The following ARMH1 variants were observed in gnomAD, a reference collection of about 807,000 sequenced individuals.
The protein encoded by ARMH1 is armadillo like helical domain containing 1, also known as armadillo-like helical domain containing protein 1.
A neutral mutation model predicts 50.2 loss-of-function variants in ARMH1; 34 were observed. That is an observed-to-expected ratio of 0.68 (90% CI 0.51 to 0.90). The LOEUF (loss-of-function observed/expected upper bound fraction) is 0.90, where lower values mean the gene tolerates loss of function less well. Ranked by LOEUF, ARMH1 falls within the 40% of genes least tolerant of loss-of-function variation. The pLI is 0.00. For missense variants in ARMH1, 538 were observed against 553.9 expected (o/e 0.97, Z 0.29); for synonymous variants, 221 against 224.2 (o/e 0.99, Z 0.13).
intron 2 of ARMH1, among the ~76,000 whole-genome samples, chr1:44,694,613 G>A (rs1482564294): frequency 1.3e-5 from 2 of 149,442 alleles, no homozygotes; most frequent in African/African-American, 2.5e-5. Flanking sequence ...AGGTTCAAGC[G>A]ATTCTCCTGC....
chr1:44,708,048 T>G (rs1646421672), intron 6 of ARMH1, among the ~76,000 whole-genome samples: 1 of 152,234 alleles, frequency 6.6e-6, no homozygotes, highest in African/African-American at 2.4e-5. Context: ...ATGTAGAGAA[T>G]GCGTATGCAA....
chr1:44,716,681 T>A (rs1646864131), intron 6 of ARMH1, among the ~76,000 whole-genome samples: 1 of 152,190 alleles, frequency 6.6e-6, no homozygotes, highest in African/African-American at 2.4e-5. Flanking sequence ...CTGTCTCCAC[T>A]GCTGTAATTC....
intron 6 of ARMH1, among the ~76,000 whole-genome samples, chr1:44,723,182 A>C (rs1647645538): frequency 6.6e-6 from 1 of 151,964 alleles, no homozygotes; most frequent in Admixed American, 6.6e-5. Flanking sequence ...TTACAAAAAC[A>C]TTCAATCCTT....
intron 1 of ARMH1, among the ~76,000 whole-genome samples, chr1:44,685,815 A>G (rs1439639260): frequency 6.6e-6 from 1 of 151,802 alleles, no homozygotes; most frequent in Non-Finnish European, 1.5e-5. Flanking sequence ...TTTAGTAGAG[A>G]CGGGGTTTCA....
chr1:44,709,377 G>C (rs1474853155), intron 6 of ARMH1, among the ~76,000 whole-genome samples: 1 of 152,140 alleles, frequency 6.6e-6, no homozygotes, highest in Admixed American at 6.5e-5. Flanking sequence ...GCCTGTCCTT[G>C]TTTTCCCTAT....
intron 1 of ARMH1, among the ~76,000 whole-genome samples, chr1:44,677,687 T>A (rs958957326): frequency 2.6e-5 from 4 of 151,886 alleles, no homozygotes; most frequent in Non-Finnish European, 5.9e-5. Flanking sequence ...GCCACTGAAC[T>A]CCCCCTGGAT....
At position 44,701,119 on chromosome 1, in the gene ARMH1, G is replaced by A; in HGVS notation, c.639G>A (p.Gln213=). The A allele has an allele frequency of 1.3e-6, 2 of 1,545,636 alleles. No individual in the cohort carries two copies. The highest frequency in any genetic ancestry group is 1.7e-6 in the Non-Finnish European group (2 of 1,144,100). ...QLSLQTLRTA[Q]PIIGTTHPSI... ...CCCTGCAGACTCTCAGGACTGCCCA[G>A]GTGAGCCAAGGCTGCATGCTCCTGT... The change falls in exon 5 of 12, where the codon CAG becomes CAA. Residue 213 remains glutamine, a splice_region_variant and synonymous_variant. Transcript: ENST00000535358.
At chr1:44,699,832 A>ATTT (rs771770605) in intron 4 of ARMH1, among the ~76,000 whole-genome samples, 3 of 121,642 alleles carry the variant, frequency 2.5e-5, no homozygotes, top group African/African-American at 9.0e-5. Context: ...TTCTTTTTCT[A>ATTT]TTTTTTTTTT....
Position 44,704,132 on chromosome 1 carries a change from T to C in ARMH1, c.683T>C (p.Leu228Pro). The change falls in exon 6 of 12, where the codon CTG becomes CCG. Residue 228 changes from leucine (L) to proline (P), a missense_variant. Transcript: ENST00000535358. ...TTHPSIVDCV[L>P]KVLGTMHLEV... ...CACCCCAGCATCGTGGACTGCGTGC[T>C]GAAGGTGCTGGGCACGATGCACCTG... The C allele has an allele frequency of 1.3e-6, 2 of 1,551,078 alleles. No individual in the cohort carries two copies. The highest frequency in any genetic ancestry group is 2.4e-5 in the East Asian group (1 of 40,896).
intron 6 of ARMH1, 89 bp downstream of exon 6, chr1:44,704,262 T>C (rs1471705734): frequency 1.0e-6 from 1 of 978,884 alleles, no homozygotes; most frequent in Non-Finnish European, 1.6e-6. Context: ...AGAGCCTTGA[T>C]GTTGAGTGTC....
At chr1:44,677,609 G>T (rs1210052455) in intron 1 of ARMH1, among the ~76,000 whole-genome samples, 1 of 152,292 alleles carries the variant, frequency 6.6e-6, no homozygotes, top group South Asian at 2.1e-4. Flanking sequence ...TGATGACAAG[G>T]TCCACTGTGT....
chr1:44,724,578 G>C lies in ARMH1; in HGVS notation c.960G>C (p.Leu320=). ...ACGACATGAGCATCGCCGAGGAGCT[G>C]CTGTACCTGCGCGTGGTGCGTGGCC... The part of the protein sequence containing the change: ...ARNDMSIAEE[L]LYLRVVRGLM... The change falls in exon 9 of 12, where the codon CTG becomes CTC. Residue 320 remains leucine, a synonymous_variant. Transcript: ENST00000535358. The surrounding 1 kb of genome is among the most constrained non-coding windows in gnomAD (Gnocchi z 6.4). 1 of 1,517,594 alleles carries C rather than the reference G, an allele frequency of 6.6e-7. No homozygotes were observed. Among genetic ancestry groups the C allele is most frequent in the Non-Finnish European group, 8.8e-7 (1 of 1,135,330 alleles). 94.0% of individuals were successfully genotyped at this position (1,517,594 alleles called of 1,614,324 possible). A position where few individuals can be genotyped will look rare whatever the true frequency, so the allele number is the denominator to read the frequency against.
chr1:44,724,205 G>A lies in ARMH1; in HGVS notation c.808G>A (p.Val270Ile), dbSNP rs372851998. The A allele has an allele frequency of 6.4e-5, 99 of 1,551,618 alleles. No individual in the cohort carries two copies. The highest frequency in any genetic ancestry group is 1.7e-4 in the Middle Eastern group (1 of 6,014). ...CCTCGTGGCGCTGCTGATACCGTCG[G>A]TCAAGGAGATCTCCAAACTGCAGGC... Reference protein sequence around the residue: ...KGLVALLIPSVKEISKLQAKI... With the variant: ...KGLVALLIPSIKEISKLQAKI... The change falls in exon 7 of 12, where the codon GTC becomes ATC. Residue 270 changes from valine to isoleucine, a missense_variant. Coordinates refer to ENST00000535358, the MANE Select transcript of ARMH1 (RefSeq NM_001145636.2). The surrounding 1 kb of genome is among the most constrained non-coding windows in gnomAD (Gnocchi z 6.4).
At position 44,724,200 on chromosome 1, in the gene ARMH1, C is replaced by G. The variant is rs1238307894; in HGVS notation, c.803C>G (p.Pro268Arg). The change falls in exon 7 of 12, where the codon CCG (proline) becomes CGG (arginine). Residue 268 changes from proline (P) to arginine (R), a missense_variant. Pro to Arg is a moderately radical substitution (Grantham distance 103). Transcript: ENST00000535358. This position sits in a 1 kb window ranked among gnomAD's most constrained non-coding sequence, Gnocchi z 6.4. Reference protein sequence around the residue: ...LLKGLVALLIPSVKEISKLQA... With the variant: ...LLKGLVALLIRSVKEISKLQA... ...AAGGGCCTCGTGGCGCTGCTGATAC[C>G]GTCGGTCAAGGAGATCTCCAAACTG... The G allele has an allele frequency of 1.9e-6, 3 of 1,551,698 alleles. No individual in the cohort carries two copies. The highest frequency in any genetic ancestry group is 1.2e-5 in the South Asian group (1 of 84,058).
In ARMH1 at chr1:44,724,352, C is replaced by T. The variant is rs1466701671; in HGVS notation, c.880C>T (p.Pro294Ser). The T allele has an allele frequency of 1.9e-6, 3 of 1,551,456 alleles. No individual in the cohort carries two copies. The highest frequency in any genetic ancestry group is 2.6e-6 in the Non-Finnish European group (3 of 1,146,966). ...GGTTCTCCAGCTCACCCCCAGCCTGCCGATGTTTTTGCAGCAGGCCGCGGC... is the reference window on the plus strand; with the variant it reads ...GGTTCTCCAGCTCACCCCCAGCCTGTCGATGTTTTTGCAGCAGGCCGCGGC... Reference protein sequence around the residue: ...PSVLQLTPSLPMFLQQAAAAK... With the variant: ...PSVLQLTPSLSMFLQQAAAAK... Residue 294 changes from proline (P) to serine (S), a missense_variant, in exon 8 of 12, where the codon CCG becomes TCG. Physicochemically the swap from Pro to Ser is moderately conservative, Grantham distance 74 (BLOSUM62 -1). Coordinates refer to ENST00000535358, the MANE Select transcript of ARMH1 (RefSeq NM_001145636.2). The surrounding 1 kb of genome is among the most constrained non-coding windows in gnomAD (Gnocchi z 6.4).
chr1:44,699,302 A>AAT (rs1557534005), intron 4 of ARMH1, among the ~76,000 whole-genome samples: 1 of 151,478 alleles, frequency 6.6e-6, no homozygotes, highest in African/African-American at 2.4e-5. Flanking sequence ...AAAAAAAAAA[A>AAT]AGGAAATAAA....
intron 4 of ARMH1, among the ~76,000 whole-genome samples, chr1:44,699,973 G>A (rs1273614728): frequency 2.0e-5 from 3 of 151,996 alleles, no homozygotes; most frequent in Admixed American, 2.0e-4. Context: ...GGGACTACAG[G>A]CGCGTGCCAC....
chr1:44,691,515 C>T (rs536912957), intron 2 of ARMH1, among the ~76,000 whole-genome samples: 15 of 152,172 alleles, frequency 9.9e-5, no homozygotes, highest in South Asian at 2.1e-4. Context: ...TCTCTGATAC[C>T]GATTATCTTG....
chr1:44,701,508 G>A (rs1448004833), intron 5 of ARMH1, among the ~76,000 whole-genome samples: 1 of 149,578 alleles, frequency 6.7e-6, no homozygotes, highest in Non-Finnish European at 1.5e-5. Context: ...TTTTTTTCTT[G>A]TTGGCTTTTG....
Sources: gnomAD v4.1 joint callset for allele counts (sites outside exome capture counted in the v4.1 genomes callset) on GRCh38, gnomAD v4.1.1 for gene constraint, Gnocchi (gnomAD v3.1) non-coding constraint, MANE v1.5 for transcripts, NCBI Gene and HGNC (gene_info 2026-07-23, HGNC 2026-07-21) for gene names.